The following RALGPS1 variants were observed in gnomAD, a reference collection of about 807,000 sequenced individuals.
RALGPS1 encodes the protein Ral GEF with PH domain and SH3 binding motif 1, also known as ras-specific guanine nucleotide-releasing factor RalGPS1.
A neutral mutation model predicts 78.8 loss-of-function variants in RALGPS1; 19 were observed. The observed-to-expected ratio is 0.24, with a 90% CI of 0.17 to 0.35. The LOEUF is 0.35. Among genes scored for constraint, RALGPS1 ranks in the 10% least tolerant of loss-of-function variants. RALGPS1 has a pLI of 1.00. For synonymous variants in RALGPS1, 228 were observed against 256.3 expected, an observed-to-expected ratio of 0.89 and a Z score of 1.06; for missense variants, 454 against 688.3, an observed-to-expected ratio of 0.66 and a Z score of 3.81.
intron 8 of RALGPS1, among the ~76,000 whole-genome samples, chr9:127,162,351 A>T (rs750166694): frequency 2.6e-5 from 4 of 152,236 alleles, no homozygotes; most frequent in Non-Finnish European, 5.9e-5. Context: ...GACATGGTAC[A>T]AGTGGAAGGT....
intron 8 of RALGPS1, among the ~76,000 whole-genome samples, chr9:127,121,782 G>C (rs986660703): frequency 6.6e-6 from 1 of 152,182 alleles, no homozygotes; most frequent in African/African-American, 2.4e-5. Flanking sequence ...CTCCTCGCCA[G>C]CTGGAGGGTG....
rs116998396 is a variant in RALGPS1 at position 127,218,495 on chromosome 9, G to A, written c.1645-245G>A. Among the ~76,000 whole-genome samples the A allele has an allele frequency of 6.4e-3, 978 of 152,314 alleles. 3 individuals are homozygous for A. Among genetic ancestry groups the A allele is most frequent in the South Asian group, 0.023 (113 of 4,826 alleles). On this transcript the variant is annotated intron_variant, in intron 18 of 18. Transcript: ENST00000259351. This position sits in a 1 kb window ranked among gnomAD's most constrained non-coding sequence, Gnocchi z 4.4. ...TGTCTTTGTAATGAGGACGATCCCA[G>A]TGCCTGCCCCAGGGGTTGAAGTGAG... is the stretch of plus-strand genomic sequence containing the variant.
Position 127,091,567 on chromosome 9 carries a change from C to T in RALGPS1, c.610+22211C>T, listed in dbSNP as rs527628974. On this transcript the variant is annotated intron_variant, in intron 8 of 18. Transcript: ENST00000259351. This position sits in a 1 kb window ranked among gnomAD's most constrained non-coding sequence, Gnocchi z 4.3. ...CAGGCAGCTTGGCCCAGCTGCTTCT[C>T]ACCCTGGGATCTTCCCGTTTCCAAG... 3.4e-4 allele frequency: 506 copies of T among 1,476,878 alleles called. No homozygotes were observed. Among genetic ancestry groups the T allele is most frequent in the Non-Finnish European group, 4.3e-4 (468 of 1,100,190 alleles). The allele number at this position is 1,476,878 out of a possible 1,614,324, so 91.5% of individuals were successfully genotyped here.
intron 1 of RALGPS1, among the ~76,000 whole-genome samples, chr9:126,938,109 G>A (rs961662785): frequency 4.6e-5 from 7 of 152,174 alleles, no homozygotes; most frequent in African/African-American, 1.7e-4. Flanking sequence ...CAGAAATAAA[G>A]CACTGATGCA....
chr9:126,949,410 C>A (rs2037595165), intron 1 of RALGPS1, among the ~76,000 whole-genome samples: 1 of 152,056 alleles, frequency 6.6e-6, no homozygotes, highest in Non-Finnish European at 1.5e-5. Flanking sequence ...AATGGTTGAA[C>A]TAGTTTATAG....
At chr9:127,055,026 AGAGAGAGAG>A (rs2048615809) in intron 7 of RALGPS1, among the ~76,000 whole-genome samples, 1 of 105,198 alleles carries the variant, frequency 9.5e-6, no homozygotes, top group Non-Finnish European at 2.3e-5. Flanking sequence ...AGAGAGAGAG[AGAGAGAGAG>A]AGAGAAGAAA....
intron 8 of RALGPS1, among the ~76,000 whole-genome samples, chr9:127,130,769 T>G (rs1262549664): frequency 6.6e-6 from 1 of 152,196 alleles, no homozygotes; most frequent in Non-Finnish European, 1.5e-5. Flanking sequence ...GAGGCTCAAG[T>G]TAATGGACTT....
rs138503631 is a variant in RALGPS1 at position 126,999,907 on chromosome 9, A to G, written c.216+22162A>G. On this transcript the variant is annotated intron_variant, in intron 4 of 18. Transcript: ENST00000259351. Reference sequence around the variant, plus strand: ...ACAAATTTAGTTTCTCTAACTATTCAGTTTATCTGTTTCTTTTTTAGTGAG... The same window carrying G: ...ACAAATTTAGTTTCTCTAACTATTCGGTTTATCTGTTTCTTTTTTAGTGAG... Among the ~76,000 whole-genome samples, 653 of 152,286 alleles carry G rather than the reference A, an allele frequency of 4.3e-3. 7 individuals are homozygous for G. The highest frequency in any genetic ancestry group is 0.015 in the African/African-American group (610 of 41,570).
chr9:127,182,332 GCCTTCCTTCCTTCCTTCCTCCCTT>G (rs1159633983), intron 11 of RALGPS1, among the ~76,000 whole-genome samples: 32 of 133,560 alleles, frequency 2.4e-4, no homozygotes, highest in African/African-American at 8.1e-4. Context: ...CTTCCTTCCT[GCCTTCCTTCCTTCCTTCCTCCCTT>G]CCTTCCTTCC....
intron 8 of RALGPS1, among the ~76,000 whole-genome samples, chr9:127,119,428 AAAC>A (rs2055810597): frequency 6.6e-6 from 1 of 152,212 alleles, no homozygotes; most frequent in African/African-American, 2.4e-5. Flanking sequence ...TGAGGTGTCT[AAAC>A]AAGGCACTGA....
At chr9:126,996,081 A>G (rs1419771241) in intron 4 of RALGPS1, among the ~76,000 whole-genome samples, 2 of 152,270 alleles carry the variant, frequency 1.3e-5, no homozygotes. Flanking sequence ...AGAAAGCAGG[A>G]AAGATCTAAA....
intron 5 of RALGPS1, among the ~76,000 whole-genome samples, chr9:127,049,415 C>G (rs2048101400): frequency 6.6e-6 from 1 of 152,132 alleles, no homozygotes; most frequent in Admixed American, 6.6e-5. Context: ...TACCATCATA[C>G]CCTTTTTGGT....
chr9:127,088,290 G>A (rs2136304323), intron 8 of RALGPS1: 1 of 152,240 alleles, frequency 6.6e-6, no homozygotes, highest in Non-Finnish European at 1.5e-5. Context: ...TGCCAAAAGG[G>A]GTTCTTAAGA....
At chr9:126,996,254 TG>T (rs1192634741) in intron 4 of RALGPS1, among the ~76,000 whole-genome samples, 1 of 152,030 alleles carries the variant, frequency 6.6e-6, no homozygotes, top group Non-Finnish European at 1.5e-5. Flanking sequence ...CTGGTTTTTT[TG>T]AAAAGATCAA....
chr9:126,993,094 G>T (rs994377454), intron 4 of RALGPS1, among the ~76,000 whole-genome samples: 3 of 152,162 alleles, frequency 2.0e-5, no homozygotes, highest in Non-Finnish European at 4.4e-5. Context: ...GGGTATTTGA[G>T]TTTTATCAAA....
chr9:126,918,767 G>C (rs1380285299), intron 1 of RALGPS1, among the ~76,000 whole-genome samples: 3 of 151,578 alleles, frequency 2.0e-5, no homozygotes, highest in Non-Finnish European at 4.4e-5. Flanking sequence ...CCGCCTCCCG[G>C]GTTCAAGCCA....
chr9:126,966,973 C>T (rs1588698914), intron 3 of RALGPS1, among the ~76,000 whole-genome samples: 1 of 152,064 alleles, frequency 6.6e-6, no homozygotes, highest in Non-Finnish European at 1.5e-5. Context: ...GTTGTCCAAG[C>T]GTTGAACTTC....
At chr9:127,207,222 C>T (rs900849857) in intron 14 of RALGPS1, among the ~76,000 whole-genome samples, 4 of 152,222 alleles carry the variant, frequency 2.6e-5, no homozygotes, top group Middle Eastern at 3.4e-3. Flanking sequence ...ATGACCCCAT[C>T]CTCCTGCTCA....
intron 4 of RALGPS1, among the ~76,000 whole-genome samples, chr9:126,985,613 G>A (rs1007974696): frequency 6.6e-6 from 1 of 151,916 alleles, no homozygotes; most frequent in African/African-American, 2.4e-5. Flanking sequence ...ATAATAATAC[G>A]AATATTACTA....
Sources: allele counts gnomAD v4.1 joint callset (sites outside exome capture counted in the v4.1 genomes callset), GRCh38; gene constraint gnomAD v4.1.1; non-coding constraint Gnocchi (gnomAD v3.1); transcripts MANE v1.5; gene names NCBI Gene and HGNC (gene_info 2026-07-23, HGNC 2026-07-21).